DCUN1D4: variants seen among roughly 807,000 people sequenced by gnomAD.
The protein encoded by DCUN1D4 is DCN1-like protein 4.
A neutral mutation model predicts 47.9 loss-of-function variants in DCUN1D4; 22 were observed. That is an observed-to-expected ratio of 0.46 (90% CI 0.33 to 0.66). The LOEUF (loss-of-function observed/expected upper bound fraction) is 0.66. DCUN1D4 is among the 30% of genes least tolerant of loss of function. The probability of loss-of-function intolerance (pLI) is 0.02; values close to 1 mark genes in which losing one functional copy is unlikely to be tolerated. For missense variants in DCUN1D4, 301 were observed against 340.8 expected (o/e 0.88, Z 0.92); for synonymous variants, 121 against 112.2 (o/e 1.08, Z -0.50).
At chr4:51,864,185 C>T (rs376585394) in intron 3 of DCUN1D4, among the ~76,000 whole-genome samples, 2 of 152,152 alleles carry the variant, frequency 1.3e-5, no homozygotes, top group Non-Finnish European at 2.9e-5. Context: ...GCATTATGAT[C>T]ACCTGAGGGA....
At chr4:51,846,660 C>T (rs1245120638) in intron 1 of DCUN1D4, among the ~76,000 whole-genome samples, 1 of 152,170 alleles carries the variant, frequency 6.6e-6, no homozygotes, top group Non-Finnish European at 1.5e-5. Flanking sequence ...TCATGATGAT[C>T]TCTTGTATCA....
intron 8 of DCUN1D4, among the ~76,000 whole-genome samples, chr4:51,900,668 G>A (rs1267546108): frequency 6.6e-6 from 1 of 152,022 alleles, no homozygotes; most frequent in Non-Finnish European, 1.5e-5. Context: ...AGGAGTTCGA[G>A]GTTAAAAAAA....
At chr4:51,872,413 C>T (rs1227493064) in intron 3 of DCUN1D4, among the ~76,000 whole-genome samples, 1 of 152,186 alleles carries the variant, frequency 6.6e-6, no homozygotes, top group African/African-American at 2.4e-5. Flanking sequence ...TCTCTTGTCT[C>T]TCCACAGCCC....
intron 9 of DCUN1D4, among the ~76,000 whole-genome samples, chr4:51,911,909 A>G (rs1733769677): frequency 6.6e-6 from 1 of 152,112 alleles, no homozygotes; most frequent in African/African-American, 2.4e-5. Flanking sequence ...TTTGCTTGCA[A>G]GGATGAGGGT....
At chr4:51,856,194 T>C (rs1265072273) in intron 1 of DCUN1D4, among the ~76,000 whole-genome samples, 1 of 152,232 alleles carries the variant, frequency 6.6e-6, no homozygotes, top group Non-Finnish European at 1.5e-5. Context: ...GCCCTTTCCT[T>C]CTGCCGCCTT....
intron 1 of DCUN1D4, chr4:51,844,467 C>A: frequency 1.1e-6 from 1 of 950,264 alleles, no homozygotes; most frequent in Non-Finnish European, 1.3e-6. Flanking sequence ...TGCGGGGTTT[C>A]AGCAGCGGGA....
chr4:51,861,206 A>G (rs929829734), intron 1 of DCUN1D4, among the ~76,000 whole-genome samples: 12 of 152,340 alleles, frequency 7.9e-5, no homozygotes, highest in African/African-American at 2.6e-4. Context: ...GTTAGACTCC[A>G]GAGTCAGGTT....
At chr4:51,867,745 G>C (rs1726192259) in intron 3 of DCUN1D4, among the ~76,000 whole-genome samples, 1 of 152,202 alleles carries the variant, frequency 6.6e-6, no homozygotes, top group Non-Finnish European at 1.5e-5. Context: ...AGCACCATAA[G>C]TTCTCACTCT....
chr4:51,896,418 C>A (rs549772509), intron 7 of DCUN1D4, among the ~76,000 whole-genome samples: 6 of 152,290 alleles, frequency 3.9e-5, no homozygotes, highest in African/African-American at 1.4e-4. Flanking sequence ...AACAACCGCT[C>A]TTCTTCTTCG....
At chr4:51,844,219 G>C (rs1722114439) in intron 1 of DCUN1D4, among the ~76,000 whole-genome samples, 1 of 151,276 alleles carries the variant, frequency 6.6e-6, no homozygotes, top group East Asian at 2.0e-4. Flanking sequence ...CGGGCTAAGG[G>C]GGTGTCAGAC....
At chr4:51,872,893 C>G (rs1044098029) in intron 3 of DCUN1D4, among the ~76,000 whole-genome samples, 1 of 152,254 alleles carries the variant, frequency 6.6e-6, no homozygotes, top group Non-Finnish European at 1.5e-5. Flanking sequence ...TGCCTCCTTC[C>G]GTGATGCTGC....
chr4:51,839,951 G>T (rs1721590862), upstream of DCUN1D4, among the ~76,000 whole-genome samples: 1 of 151,978 alleles, frequency 6.6e-6, no homozygotes, highest in African/African-American at 2.4e-5. Flanking sequence ...TCTAATCTAG[G>T]CTTAGGGCAT....
intron 1 of DCUN1D4, chr4:51,845,081 A>T: frequency 1.0e-6 from 1 of 985,442 alleles, no homozygotes; most frequent in South Asian, 4.7e-5. Context: ...TTGTGGAATA[A>T]ATGCTTGGTC....
intron 3 of DCUN1D4, among the ~76,000 whole-genome samples, chr4:51,872,879 C>T (rs1173769698): frequency 6.6e-6 from 1 of 152,242 alleles, no homozygotes; most frequent in African/African-American, 2.4e-5. Flanking sequence ...GAGCGCAGTG[C>T]GCATGCCTCC....
At chr4:51,893,360 C>T (rs1164896849) in intron 7 of DCUN1D4, among the ~76,000 whole-genome samples, 3 of 151,992 alleles carry the variant, frequency 2.0e-5, no homozygotes, top group Admixed American at 6.6e-5. Flanking sequence ...TGATTTTAAT[C>T]CTATTCACTC....
At chr4:51,850,234 A>G (rs557501443) in intron 1 of DCUN1D4, among the ~76,000 whole-genome samples, 1 of 152,330 alleles carries the variant, frequency 6.6e-6, no homozygotes, top group Non-Finnish European at 1.5e-5. Context: ...AAGAAAAACT[A>G]TCAGTGCTGT....
At chr4:51,895,454 TG>T (rs1414927174) in intron 7 of DCUN1D4, among the ~76,000 whole-genome samples, 2 of 150,578 alleles carry the variant, frequency 1.3e-5, no homozygotes, top group Non-Finnish European at 2.9e-5. Context: ...GGCCGGCAGC[TG>T]GTAGGGAACA....
intron 1 of DCUN1D4, among the ~76,000 whole-genome samples, chr4:51,843,994 G>A (rs1208945359): frequency 2.0e-5 from 3 of 150,876 alleles, no homozygotes; most frequent in African/African-American, 7.3e-5. Flanking sequence ...ACGGAGAGTG[G>A]TGGGAGTGGA....
intron 7 of DCUN1D4, among the ~76,000 whole-genome samples, chr4:51,892,822 A>G (rs1036621778): frequency 6.6e-6 from 1 of 152,238 alleles, no homozygotes; most frequent in Non-Finnish European, 1.5e-5. Flanking sequence ...TAACATAGTA[A>G]TTTTAATCTA....
Sources: allele counts gnomAD v4.1 joint callset (sites outside exome capture counted in the v4.1 genomes callset), GRCh38; gene constraint gnomAD v4.1.1; transcripts MANE v1.5; gene names NCBI Gene and HGNC (gene_info 2026-07-23, HGNC 2026-07-21).